Variants in UBR3 observed in about 807,000 individuals in gnomAD.
UBR3 encodes ubiquitin protein ligase E3 component n-recognin 3.
Under a neutral mutation model 243.2 loss-of-function variants are expected in UBR3, and 85 were observed. The observed-to-expected ratio is 0.35, with a 90% CI of 0.29 to 0.42. The LOEUF (loss-of-function observed/expected upper bound fraction) is 0.42, where lower values mean the gene tolerates loss of function less well. UBR3 is among the 10% of genes least tolerant of loss of function. The probability of loss-of-function intolerance (pLI) is 1.00; values close to 1 mark genes in which losing one functional copy is unlikely to be tolerated. For missense variants in UBR3, 1,686 were observed against 2,300.8 expected, an observed-to-expected ratio of 0.73 and a Z score of 5.47; for synonymous variants, 748 against 799.8, an observed-to-expected ratio of 0.94 and a Z score of 1.09.
intron 10 of UBR3, among the ~76,000 whole-genome samples, chr2:169,911,660 A>G (rs759589523): frequency 6.6e-6 from 1 of 152,098 alleles, no homozygotes; most frequent in Non-Finnish European, 1.5e-5. Context: ...CTTAGTACCT[A>G]CTTGTCAAAT....
At chr2:169,920,606 AT>A (rs925174849) in intron 11 of UBR3, among the ~76,000 whole-genome samples, 4 of 151,952 alleles carry the variant, frequency 2.6e-5, no homozygotes, top group African/African-American at 9.7e-5. Context: ...TATGTGCCTC[AT>A]TTTTTCTTCC....
chr2:169,973,449 C>T (rs1409670380), intron 24 of UBR3, among the ~76,000 whole-genome samples: 1 of 151,394 alleles, frequency 6.6e-6, no homozygotes, highest in Non-Finnish European at 1.5e-5. Context: ...AAAGAGCCCG[C>T]ATCGCCAAGT....
At chr2:170,079,089 C>G (rs80118067) in intron 36 of UBR3, among the ~76,000 whole-genome samples, 6,129 of 152,250 alleles carry the variant, frequency 0.04, 181 homozygotes, top group East Asian at 0.1. Flanking sequence ...AGATAATAGA[C>G]TCACTCTACA....
chr2:170,066,283 A>G (rs1452690211), intron 35 of UBR3, among the ~76,000 whole-genome samples: 6 of 152,162 alleles, frequency 3.9e-5, no homozygotes, highest in Admixed American at 6.5e-5. Flanking sequence ...GTCTAGCACT[A>G]TTTCTACCAC....
intron 1 of UBR3, among the ~76,000 whole-genome samples, chr2:169,836,068 T>TATATATATATA (rs1558999189): frequency 3.4e-5 from 1 of 29,734 alleles, no homozygotes; most frequent in Non-Finnish European, 6.5e-5. Context: ...TATATATATA[T>TATATATATATA]TTTTTTTTTT....
chr2:169,906,061 A>T lies in UBR3; in HGVS notation c.1676A>T (p.Glu559Val). 6.4e-7 allele frequency: 1 copy of T among 1,551,698 alleles called. No individual in the cohort carries two copies. Among genetic ancestry groups the T allele is most frequent in the South Asian group, 1.2e-5 (1 of 83,988 alleles). ...GMNLNKRELN[E>V]HVEFESQTYY... is the part of the protein sequence containing the mutation. ...AACTTAAACAAGCGAGAACTAAACGAGCATGTGGAATTTGAGTCTCAGACC... is the reference window on the plus strand; with the variant it reads ...AACTTAAACAAGCGAGAACTAAACGTGCATGTGGAATTTGAGTCTCAGACC... The change falls in exon 10 of 39, where the codon GAG becomes GTG. Residue 559 changes from glutamate to valine, a missense_variant. Physicochemically the swap from Glu to Val is moderately radical, Grantham distance 121. Coordinates refer to ENST00000272793, the MANE Select transcript of UBR3 (RefSeq NM_172070.4).
At chr2:170,001,628 G>A (rs2089700133) in intron 27 of UBR3, among the ~76,000 whole-genome samples, 1 of 152,012 alleles carries the variant, frequency 6.6e-6, no homozygotes, top group Admixed American at 6.6e-5. Flanking sequence ...AGACGCAGTG[G>A]TTCATGCCTG....
At chr2:169,930,046 G>A (rs891093840) in intron 18 of UBR3, among the ~76,000 whole-genome samples, 3 of 152,132 alleles carry the variant, frequency 2.0e-5, no homozygotes, top group African/African-American at 7.2e-5. Flanking sequence ...AGGATATTTT[G>A]TGTGTAAAAT....
At chr2:170,031,751 C>T (rs2090677266) in intron 31 of UBR3, among the ~76,000 whole-genome samples, 1 of 152,116 alleles carries the variant, frequency 6.6e-6, no homozygotes, top group Non-Finnish European at 1.5e-5. Context: ...GTTTAGCCCT[C>T]ACTTATAAGT....
chr2:169,996,658 A>T (rs2089488988), intron 26 of UBR3, among the ~76,000 whole-genome samples: 1 of 142,464 alleles, frequency 7.0e-6, no homozygotes, highest in Non-Finnish European at 1.5e-5. Context: ...ATATTTTCAC[A>T]CTTTTTTCTT....
chr2:169,861,464 T>G (rs974723554), intron 1 of UBR3, among the ~76,000 whole-genome samples: 12 of 151,868 alleles, frequency 7.9e-5, no homozygotes, highest in Non-Finnish European at 1.2e-4. Flanking sequence ...AAAAATTAGC[T>G]GGGTGTAGTG....
At chr2:169,851,337 T>A (rs1350373627) in intron 1 of UBR3, among the ~76,000 whole-genome samples, 2 of 152,166 alleles carry the variant, frequency 1.3e-5, no homozygotes, top group Non-Finnish European at 2.9e-5. Context: ...GTTGCCTAGA[T>A]TGGTCTCAAA....
intron 9 of UBR3, 90 bp downstream of exon 9, chr2:169,905,383 A>G (rs2084975351): frequency 1.0e-6 from 1 of 959,462 alleles, no homozygotes; most frequent in Non-Finnish European, 1.4e-6. Flanking sequence ...ATAGCACATC[A>G]TTCACGCTAC....
intron 1 of UBR3, among the ~76,000 whole-genome samples, chr2:169,851,538 G>A (rs897076189): frequency 1.2e-4 from 19 of 152,024 alleles, no homozygotes; most frequent in Non-Finnish European, 1.2e-4. Flanking sequence ...TCGTTTTTTG[G>A]AGAAGTTAAA....
chr2:169,954,912 A>C (rs2087208504), intron 23 of UBR3, among the ~76,000 whole-genome samples: 1 of 151,122 alleles, frequency 6.6e-6, no homozygotes, highest in Non-Finnish European at 1.5e-5. Context: ...GTTCATAATC[A>C]CTCCTTGCAT....
chr2:169,878,619 C>CT (rs2105314643), intron 5 of UBR3, 45 bp downstream of exon 5: 2 of 1,399,574 alleles, frequency 1.4e-6, no homozygotes, highest in East Asian at 2.5e-5. Context: ...CAATTTTGTG[C>CT]TTTTTTATAC....
At chr2:169,978,138 T>C (rs959138924) in intron 24 of UBR3, among the ~76,000 whole-genome samples, 2 of 152,198 alleles carry the variant, frequency 1.3e-5, no homozygotes, top group African/African-American at 4.8e-5. Context: ...ACATAGGCTG[T>C]TAATGTCCTT....
At chr2:170,048,141 G>T (rs2091132285) in intron 32 of UBR3, among the ~76,000 whole-genome samples, 1 of 152,178 alleles carries the variant, frequency 6.6e-6, no homozygotes, top group African/African-American at 2.4e-5. Context: ...ACACTGAGGT[G>T]TGAACGATAT....
chr2:169,935,550 G>A (rs572172618), intron 19 of UBR3, among the ~76,000 whole-genome samples: 1 of 152,294 alleles, frequency 6.6e-6, no homozygotes, highest in African/African-American at 2.4e-5. Flanking sequence ...TAAAGCATCT[G>A]TTTTAAATTC....
Sources: gnomAD v4.1 joint callset for allele counts (sites outside exome capture counted in the v4.1 genomes callset) on GRCh38, gnomAD v4.1.1 for gene constraint, MANE v1.5 for transcripts, NCBI Gene and HGNC (gene_info 2026-07-23, HGNC 2026-07-21) for gene names.